Variants in OPHN1 observed in about 807,000 individuals in gnomAD.
The protein encoded by OPHN1 is oligophrenin-1.
A neutral mutation model predicts 60.7 loss-of-function variants in OPHN1; 11 were observed. The observed-to-expected ratio is 0.18, with a 90% CI of 0.11 to 0.30. The LOEUF (loss-of-function observed/expected upper bound fraction) is 0.30, where lower values mean the gene tolerates loss of function less well. Ranked by LOEUF, OPHN1 falls within the 10% of genes least tolerant of loss-of-function variation. The probability of loss-of-function intolerance (pLI) is 1.00; values close to 1 mark genes in which losing one functional copy is unlikely to be tolerated. For synonymous variants in OPHN1, 226 were observed against 222.6 expected, an observed-to-expected ratio of 1.02 and a Z score of -0.14; for missense variants, 449 against 611.0, an observed-to-expected ratio of 0.73 and a Z score of 2.80.
At chrX:68,115,936 AC>A (rs1373209482) in intron 16 of OPHN1, among the ~76,000 whole-genome samples, 7 of 112,024 alleles carry the variant, frequency 6.2e-5, no homozygotes, top group African/African-American at 2.3e-4. Flanking sequence ...TCAATCAAAT[AC>A]ATTTAAGAAA....
chrX:68,239,891 C>T (rs2077772505), intron 5 of OPHN1, among the ~76,000 whole-genome samples: 1 of 109,095 alleles, frequency 9.2e-6, no homozygotes, highest in African/African-American at 3.4e-5. Context: ...CTCACTGCAA[C>T]CTCTGCCTCC....
intron 17 of OPHN1, 100 bp downstream of exon 17, chrX:68,113,081 T>C (rs748238586): frequency 5.7e-5 from 37 of 648,036 alleles, no homozygotes; most frequent in Non-Finnish European, 8.9e-5. Flanking sequence ...TTTAGGTTTC[T>C]GTGCCCTCAA....
chrX:68,209,738 T>C (rs1283375986), intron 9 of OPHN1, among the ~76,000 whole-genome samples: 1 of 111,815 alleles, frequency 8.9e-6, no homozygotes, highest in Non-Finnish European at 1.9e-5. Flanking sequence ...AGTGGCCTTA[T>C]GTGTATGGGT....
chrX:68,258,255 TA>T (rs1444930134), intron 5 of OPHN1, among the ~76,000 whole-genome samples: 1 of 110,687 alleles, frequency 9.0e-6, no homozygotes, highest in East Asian at 2.8e-4. Context: ...TTTATTTATT[TA>T]TTTTTTTATT....
At chrX:68,300,480 C>T (rs1453892974) in intron 2 of OPHN1, among the ~76,000 whole-genome samples, 1 of 112,213 alleles carries the variant, frequency 8.9e-6, no homozygotes, top group Non-Finnish European at 1.9e-5. Flanking sequence ...ATAATAATGA[C>T]ATTTTTACAC....
intron 2 of OPHN1, among the ~76,000 whole-genome samples, chrX:68,361,503 TA>T (rs987079422): frequency 6.6e-5 from 7 of 106,261 alleles, no homozygotes; most frequent in South Asian, 4.0e-4. Flanking sequence ...AAATAAAAAA[TA>T]AAAAAAATAT....
At chrX:68,172,190 T>C (rs777620771) in intron 15 of OPHN1, among the ~76,000 whole-genome samples, 4 of 112,426 alleles carry the variant, frequency 3.6e-5, no homozygotes, top group African/African-American at 1.3e-4. Context: ...TGATTTATTA[T>C]TCAAATGAGA....
At chrX:68,398,975 G>GTA (rs1033086487) in intron 2 of OPHN1, among the ~76,000 whole-genome samples, 2 of 108,138 alleles carry the variant, frequency 1.8e-5, no homozygotes, top group African/African-American at 6.8e-5. Flanking sequence ...GTGTGTGTGT[G>GTA]TGTGTGTGTG....
At chrX:68,165,207 A>G (rs2077352518) in intron 15 of OPHN1, among the ~76,000 whole-genome samples, 1 of 112,035 alleles carries the variant, frequency 8.9e-6, no homozygotes, top group African/African-American at 3.2e-5. Flanking sequence ...TTAGCAAAAA[A>G]CAGTTCCTAC....
intron 15 of OPHN1, among the ~76,000 whole-genome samples, chrX:68,153,197 C>A (rs1445038179): frequency 1.2e-4 from 11 of 90,746 alleles, no homozygotes; most frequent in African/African-American, 4.9e-4. Flanking sequence ...GGTGACAGAG[C>A]GAGACTCCAT....
chrX:68,217,413 G>C (rs1004614723), intron 6 of OPHN1, among the ~76,000 whole-genome samples: 1 of 112,167 alleles, frequency 8.9e-6, no homozygotes, highest in Non-Finnish European at 1.9e-5. Flanking sequence ...AGCTCGAACT[G>C]GGTGGAGCCC....
intron 2 of OPHN1, among the ~76,000 whole-genome samples, chrX:68,317,567 GAA>G (rs2078213487): frequency 1.3e-5 from 1 of 77,481 alleles, no homozygotes; most frequent in African/African-American, 6.5e-5. Flanking sequence ...AAGAAAGAAA[GAA>G]AGAAAGAGAA....
chrX:68,299,903 G>C (rs2078112176), intron 2 of OPHN1, among the ~76,000 whole-genome samples: 1 of 109,636 alleles, frequency 9.1e-6, no homozygotes, highest in African/African-American at 3.3e-5. Flanking sequence ...GACCCTTGTT[G>C]CACTCCAAGA....
chrX:68,248,266 C>T (rs2077816723), intron 5 of OPHN1, among the ~76,000 whole-genome samples: 1 of 102,043 alleles, frequency 9.8e-6, no homozygotes, highest in Admixed American at 1.0e-4. Context: ...AAAACTGGAC[C>T]AAAAATGGGC....
chrX:68,242,973 T>C (rs2077788776), intron 5 of OPHN1, among the ~76,000 whole-genome samples: 1 of 111,132 alleles, frequency 9.0e-6, no homozygotes, highest in Non-Finnish European at 1.9e-5. Context: ...GTTCAAGTGA[T>C]TTTCCTGCCT....
intron 2 of OPHN1, among the ~76,000 whole-genome samples, chrX:68,320,966 G>A (rs886379394): frequency 8.9e-6 from 1 of 112,162 alleles, no homozygotes; most frequent in African/African-American, 3.2e-5. Flanking sequence ...GTGGAAAGAG[G>A]AACAGGGCTT....
At chrX:68,421,737 C>T (rs2078827154) in intron 2 of OPHN1, among the ~76,000 whole-genome samples, 1 of 111,796 alleles carries the variant, frequency 8.9e-6, no homozygotes, top group African/African-American at 3.3e-5. Context: ...TAAAGAACTG[C>T]CTTGGAGTTC....
At chrX:68,078,007 T>C (rs1602140679) in intron 19 of OPHN1, among the ~76,000 whole-genome samples, 2 of 111,941 alleles carry the variant, frequency 1.8e-5, no homozygotes. Context: ...AAGAAGATCA[T>C]GTCTATGAGT....
chrX:68,183,787 G>A (rs751110591), intron 15 of OPHN1, among the ~76,000 whole-genome samples: 6 of 112,344 alleles, frequency 5.3e-5, no homozygotes, highest in African/African-American at 9.7e-5. Context: ...TGAAATATAC[G>A]TATTAATTAG....
Sources: gnomAD v4.1 joint callset for allele counts (sites outside exome capture counted in the v4.1 genomes callset) on GRCh38, gnomAD v4.1.1 for gene constraint, MANE v1.5 for transcripts, NCBI Gene and HGNC (gene_info 2026-07-23, HGNC 2026-07-21) for gene names.